The following HS3ST4 variants were observed in gnomAD, a reference collection of about 807,000 sequenced individuals.
HS3ST4 encodes the protein heparan sulfate-glucosamine 3-sulfotransferase 4, also known as heparan sulfate glucosamine 3-O-sulfotransferase 4.
A neutral mutation model predicts 29.2 loss-of-function variants in HS3ST4; 17 were observed. The ratio of observed to expected loss-of-function variants is 0.58; its 90% confidence interval spans 0.40 to 0.87. HS3ST4 has a LOEUF of 0.87. Ranked by LOEUF, HS3ST4 falls within the 40% of genes least tolerant of loss-of-function variation. The pLI is 0.00. For missense variants in HS3ST4, 627 were observed against 634.5 expected (o/e 0.99, Z 0.13); for synonymous variants, 314 against 285.7 (o/e 1.10, Z -1.00).
At chr16:25,820,235 T>G (rs1475338756) in intron 1 of HS3ST4, among the ~76,000 whole-genome samples, 1 of 151,952 alleles carries the variant, frequency 6.6e-6, no homozygotes, top group East Asian at 1.9e-4. Context: ...ACCTGTGCTG[T>G]CTTTCAGTGA....
At chr16:25,985,797 C>T (rs1431379589) in intron 1 of HS3ST4, among the ~76,000 whole-genome samples, 1 of 152,020 alleles carries the variant, frequency 6.6e-6, no homozygotes, top group African/African-American at 2.4e-5. Context: ...GTGATCCTCC[C>T]ACCTCTGCCT....
chr16:25,845,755 C>T (rs114012865), intron 1 of HS3ST4, among the ~76,000 whole-genome samples: 3,561 of 151,912 alleles, frequency 0.023, 129 homozygotes, highest in African/African-American at 0.08. Flanking sequence ...TTCTCATTCT[C>T]TCTCTTCATT....
Position 25,697,479 on chromosome 16 carries a change from A to G in HS3ST4, c.734+4328A>G, listed in dbSNP as rs1163742714. ...TTGCTTACATGTTGAAATTATACTCATATCAAGTAAAACGTCTTGCAATTA... is the reference window on the plus strand; with the variant it reads ...TTGCTTACATGTTGAAATTATACTCGTATCAAGTAAAACGTCTTGCAATTA... On this transcript the variant is annotated intron_variant, in intron 1 of 1. Transcript: ENST00000331351. Among the ~76,000 whole-genome samples the G allele has an allele frequency of 2.6e-5, 4 of 152,366 alleles. No homozygotes were observed. The East Asian group carries it at 5.8e-4, about 22-fold the overall frequency.
At chr16:25,959,443 G>T (rs1968772101) in intron 1 of HS3ST4, among the ~76,000 whole-genome samples, 1 of 152,172 alleles carries the variant, frequency 6.6e-6, no homozygotes, top group Non-Finnish European at 1.5e-5. Flanking sequence ...TCTCTGTCCA[G>T]AACCCGGCAT....
chr16:25,974,608 C>G (rs73521542), intron 1 of HS3ST4, among the ~76,000 whole-genome samples: 22,360 of 152,010 alleles, frequency 0.15, 1,929 homozygotes, highest in African/African-American at 0.23. Flanking sequence ...TGCCTTTGAA[C>G]ACAATATTCC....
rs557206077 is a variant in HS3ST4 at position 26,074,973 on chromosome 16, T to C, written c.735-60639T>C. ...ACTTTGGGAGGCTGAGGCAGGTAGA[T>C]CACGAGGTCAAGAGATCGAGGCCAG... On this transcript the variant is annotated intron_variant, in intron 1 of 1. Coordinates refer to ENST00000331351, the MANE Select transcript of HS3ST4 (RefSeq NM_006040.3). Among the ~76,000 whole-genome samples, 3 of 152,300 alleles carry C rather than the reference T, an allele frequency of 2.0e-5. No homozygotes were observed. In the South Asian group the frequency reaches 6.2e-4, roughly 32 times the overall value.
Position 26,135,934 on chromosome 16 carries a change from C to T in HS3ST4, c.1057C>T (p.Leu353Phe). The T allele has an allele frequency of 5.0e-6, 8 of 1,614,014 alleles. No homozygotes were observed. The highest frequency in any genetic ancestry group is 1.3e-5 in the African/African-American group (1 of 75,064). Residue 353 changes from leucine (L) to phenylalanine (F), a missense_variant, in exon 2 of 2, where the codon CTC becomes TTC. This residue lies in a region of HS3ST4 where 225 missense variants were observed against 293.7 expected (regional missense o/e 0.77). Transcript: ENST00000331351. ...WLQYFPLSQI[L>F]FVSGERLIVD... ...CCAGTATTTCCCCCTCTCCCAGATC[C>T]TCTTTGTCAGTGGTGAGCGACTCAT...
intron 1 of HS3ST4, among the ~76,000 whole-genome samples, chr16:25,914,628 G>T (rs1195450459): frequency 6.7e-6 from 1 of 148,938 alleles, no homozygotes; most frequent in Admixed American, 6.7e-5. Context: ...GGGTGTGTGT[G>T]GTGTGTGTGT....
chr16:25,826,971 A>G (rs550309899), intron 1 of HS3ST4, among the ~76,000 whole-genome samples: 107 of 152,310 alleles, frequency 7.0e-4, no homozygotes, highest in African/African-American at 2.5e-3. Flanking sequence ...TGCAAGTAAC[A>G]GAGGATCATT....
At chr16:25,911,922 G>A (rs1313898727) in intron 1 of HS3ST4, among the ~76,000 whole-genome samples, 1 of 152,210 alleles carries the variant, frequency 6.6e-6, no homozygotes, top group Non-Finnish European at 1.5e-5. Context: ...GTGAGTGAAT[G>A]AGTGAATGAT....
chr16:25,879,919 T>G (rs571841999), intron 1 of HS3ST4, among the ~76,000 whole-genome samples: 1 of 152,198 alleles, frequency 6.6e-6, no homozygotes, highest in South Asian at 2.1e-4. Flanking sequence ...AAACTCCCAT[T>G]TATAAAGCGA....
chr16:25,739,840 A>G (rs985454907), intron 1 of HS3ST4, among the ~76,000 whole-genome samples: 6 of 152,186 alleles, frequency 3.9e-5, no homozygotes, highest in Admixed American at 1.3e-4. Context: ...GAAAAATGCC[A>G]TTCTGAATTT....
At chr16:25,980,834 G>C (rs1438413656) in intron 1 of HS3ST4, among the ~76,000 whole-genome samples, 1 of 152,176 alleles carries the variant, frequency 6.6e-6, no homozygotes, top group Non-Finnish European at 1.5e-5. Context: ...CTAGGGTCAG[G>C]CAGGAGGTGG....
intron 1 of HS3ST4, among the ~76,000 whole-genome samples, chr16:25,903,704 T>C (rs2141674729): frequency 6.6e-6 from 1 of 152,290 alleles, no homozygotes; most frequent in East Asian, 1.9e-4. Flanking sequence ...CAGTGCTTCC[T>C]GCATGCTAGG....
At chr16:25,960,594 T>C (rs1052610872) in intron 1 of HS3ST4, among the ~76,000 whole-genome samples, 24 of 152,196 alleles carry the variant, frequency 1.6e-4, no homozygotes, top group African/African-American at 5.3e-4. Context: ...TACAAATTCT[T>C]TGGGGTTTGA....
chr16:26,020,782 AG>A (rs1337902366), intron 1 of HS3ST4, among the ~76,000 whole-genome samples: 3 of 152,206 alleles, frequency 2.0e-5, no homozygotes, highest in African/African-American at 7.2e-5. Flanking sequence ...GTAGATCTTT[AG>A]GTGATCCGTG....
In HS3ST4 at chr16:25,912,020, G is replaced by A. The variant is rs143923297; in HGVS notation, c.734+218869G>A. Among the ~76,000 whole-genome samples, 103 of 152,302 alleles carry A rather than the reference G, an allele frequency of 6.8e-4. 1 individual carries two copies. Among genetic ancestry groups the A allele is most frequent in the African/African-American group, 2.0e-3 (84 of 41,574 alleles). On this transcript the variant is annotated intron_variant, in intron 1 of 1. Coordinates refer to ENST00000331351, the MANE Select transcript of HS3ST4 (RefSeq NM_006040.3). ...CCAGCTTTCTTAGAGACCAGAAAGC[G>A]TGTGGAGGCCTTGGCTAAGAGACCT... is the stretch of plus-strand genomic sequence containing the variant.
intron 1 of HS3ST4, among the ~76,000 whole-genome samples, chr16:25,935,443 G>A (rs1032174586): frequency 3.3e-5 from 5 of 152,086 alleles, no homozygotes; most frequent in African/African-American, 1.2e-4. Flanking sequence ...TATTTTCAGT[G>A]TCCTAAAAAT....
rs569036249 is a variant in HS3ST4, at chr16:26,022,725, G to T, written c.735-112887G>T. On this transcript the variant is annotated intron_variant, in intron 1 of 1. Coordinates refer to ENST00000331351, the MANE Select transcript of HS3ST4 (RefSeq NM_006040.3). ...GAGTCTTGCTATGTTGCCCAGGCTG[G>T]TCTCAAACTCCTGGGCTGCTCAAGT... is the stretch of plus-strand genomic sequence containing the variant. Among the ~76,000 whole-genome samples, 41 of 151,142 alleles carry T rather than the reference G, an allele frequency of 2.7e-4. No individual in the cohort carries two copies. The South Asian group carries it at 8.2e-3, about 30-fold the overall frequency.
Sources: gnomAD v4.1 joint callset for allele counts (sites outside exome capture counted in the v4.1 genomes callset) on GRCh38, gnomAD v4.1.1 for gene constraint, gnomAD v4.1.1 regional missense constraint, MANE v1.5 for transcripts, NCBI Gene and HGNC (gene_info 2026-07-23, HGNC 2026-07-21) for gene names.